The following NRP2 variants were observed in gnomAD, a reference collection of about 807,000 sequenced individuals.
NRP2 encodes the protein neuropilin 2, also known as neuropilin-2.
NRP2 carries 52 observed loss-of-function variants against 110.4 expected under a neutral mutation model. The observed-to-expected ratio is 0.47, with a 90% CI of 0.38 to 0.59. NRP2 has a LOEUF of 0.59. Among genes scored for constraint, NRP2 ranks in the 20% least tolerant of loss-of-function variants. The pLI is 0.00. For missense variants in NRP2, 1,049 were observed against 1,203.0 expected (o/e 0.87, Z 1.89); for synonymous variants, 508 against 468.9 (o/e 1.08, Z -1.08).
At chr2:205,764,069 G>C (rs1295523541) in intron 13 of NRP2, 133 bp downstream of exon 13, 9 of 1,130,366 alleles carry the variant, frequency 8.0e-6, no homozygotes, top group Non-Finnish European at 1.1e-5. Context: ...GCAACTGAAT[G>C]ACACTCTTAT....
intron 2 of NRP2, among the ~76,000 whole-genome samples, chr2:205,707,197 T>C (rs958712866): frequency 1.3e-5 from 2 of 152,308 alleles, no homozygotes; most frequent in South Asian, 4.1e-4. Flanking sequence ...GGAGAGAAGG[T>C]GAATGCTTTA....
chr2:205,755,832 A>C (rs1200325999), intron 12 of NRP2, among the ~76,000 whole-genome samples: 4 of 152,158 alleles, frequency 2.6e-5, no homozygotes, highest in Admixed American at 2.6e-4. Context: ...ATAGGCAAAC[A>C]GAAGTAATGA....
rs1377668034 is a variant in NRP2, at chr2:205,797,847, G to C, written c.*2789G>C. On this transcript the variant is annotated 3_prime_UTR_variant, in exon 17 of 17. Coordinates refer to ENST00000357785, the MANE Select transcript of NRP2 (RefSeq NM_003872.3). ...CAACAGGGCCACAGGGTTGCTTTCTGTCTTTGGTGGGGCAGGGGAGTTGAC... is the reference window on the plus strand; with the variant it reads ...CAACAGGGCCACAGGGTTGCTTTCTCTCTTTGGTGGGGCAGGGGAGTTGAC... 3 of 152,710 alleles carry C rather than the reference G, an allele frequency of 2.0e-5. No individual in the cohort carries two copies. The highest frequency in any genetic ancestry group is 1.3e-4 in the Admixed American group (2 of 15,284). The allele number at this position is 152,710 out of a possible 1,614,324, so 9.5% of individuals were successfully genotyped here.
intron 2 of NRP2, among the ~76,000 whole-genome samples, chr2:205,703,894 C>G (rs540072653): frequency 1.9e-4 from 29 of 152,304 alleles, no homozygotes; most frequent in African/African-American, 7.0e-4. Context: ...GACACAAACC[C>G]TTTTCCCGGT....
intron 1 of NRP2, among the ~76,000 whole-genome samples, chr2:205,695,149 A>G (rs1337107359): frequency 6.6e-6 from 1 of 152,238 alleles, no homozygotes; most frequent in Non-Finnish European, 1.5e-5. Context: ...AGATGTTCTA[A>G]TGAGTTCTCT....
At chr2:205,704,016 C>G (rs545845348) in intron 2 of NRP2, among the ~76,000 whole-genome samples, 130 of 152,246 alleles carry the variant, frequency 8.5e-4, no homozygotes, top group African/African-American at 3.0e-3. Flanking sequence ...ATGATGGGGA[C>G]TCTCTGCTGT....
chr2:205,743,430 C>A lies in NRP2; in HGVS notation c.1519C>A (p.Arg507Ser). 1 of 1,614,200 alleles carries A rather than the reference C, an allele frequency of 6.2e-7. No individual in the cohort carries two copies. The highest frequency in any genetic ancestry group is 8.5e-7 in the Non-Finnish European group (1 of 1,180,044). Residue 507 changes from arginine to serine, a missense_variant, in exon 9 of 17, where the codon CGC becomes AGC. Arg to Ser is a moderately radical substitution (Grantham distance 110, BLOSUM62 -1). Transcript: ENST00000357785. ...TVKGVIIQGA[R>S]GGDSITAVEA... The stretch of plus-strand genomic sequence containing the variant: ...GAAAGGTGTCATCATCCAGGGAGCC[C>A]GCGGAGGAGACAGTATCACTGCTGT...
Position 205,743,505 on chromosome 2 carries a change from G to C in NRP2, c.1594G>C (p.Gly532Arg), listed in dbSNP as rs753140405. Reference protein sequence around the residue: ...RKFKVSYSLNGKDWEYIQDPR... With the variant: ...RKFKVSYSLNRKDWEYIQDPR... ...GTTCAAAGTCTCCTACAGCCTAAAC[G>C]GCAAGGACTGGGAATACATTCAGGA... The change falls in exon 9 of 17, where the codon GGC becomes CGC. Residue 532 changes from glycine to arginine, a missense_variant. Transcript: ENST00000357785. 2 of 1,614,060 alleles carry C rather than the reference G, an allele frequency of 1.2e-6. No homozygotes were observed. Among genetic ancestry groups the C allele is most frequent in the Non-Finnish European group, 1.7e-6 (2 of 1,180,048 alleles).
chr2:205,722,740 C>T (rs1388209429), intron 4 of NRP2, 32 bp downstream of exon 4: 2 of 1,574,926 alleles, frequency 1.3e-6, no homozygotes, highest in South Asian at 2.2e-5. Flanking sequence ...TCCTCAGTAG[C>T]TTGGCCTTTG....
chr2:205,747,293 T>C (rs1188284810), intron 10 of NRP2, among the ~76,000 whole-genome samples: 1 of 152,234 alleles, frequency 6.6e-6, no homozygotes, highest in East Asian at 1.9e-4. Flanking sequence ...GTTCAAGTCC[T>C]GCCCCTGCCA....
At position 205,683,032 on chromosome 2, in the gene NRP2, T is replaced by C. The variant is rs1575525612; in HGVS notation, c.-259T>C. On this transcript the variant is annotated 5_prime_UTR_variant, in exon 1 of 17. Coordinates refer to ENST00000357785, the MANE Select transcript of NRP2 (RefSeq NM_003872.3). ...AACTGGAGAGAACATATATGCGTTT[T>C]GTTTTTAAGAGGAAAACCGTGTTCT... The C allele has an allele frequency of 3.9e-6, 2 of 509,918 alleles. No homozygotes were observed. The highest frequency in any genetic ancestry group is 7.1e-5 in the East Asian group (2 of 28,036). 31.6% of individuals were successfully genotyped at this position (509,918 alleles called of 1,614,324 possible).
intron 9 of NRP2, among the ~76,000 whole-genome samples, chr2:205,744,425 C>T (rs574638544): frequency 1.3e-5 from 2 of 152,288 alleles, no homozygotes; most frequent in East Asian, 1.9e-4. Flanking sequence ...TAGATCTTTC[C>T]GGCCTCTCAG....
chr2:205,730,394 G>A (rs181927464), intron 7 of NRP2, among the ~76,000 whole-genome samples: 10 of 152,296 alleles, frequency 6.6e-5, no homozygotes, highest in African/African-American at 2.4e-4. Context: ...GGGGGCAGTG[G>A]AGGAAGAGGC....
intron 15 of NRP2, 100 bp from the exon 16 acceptor site, chr2:205,792,135 G>T: frequency 1.3e-6 from 1 of 794,324 alleles, no homozygotes; most frequent in East Asian, 2.5e-5. Context: ...CTAGCTGCCT[G>T]CCAGAATGGG....
intron 15 of NRP2, chr2:205,767,082 G>A: frequency 1.9e-6 from 1 of 522,446 alleles, no homozygotes; most frequent in East Asian, 3.4e-5. Context: ...ATTGTCCAAC[G>A]GGGAGCAATG....
intron 7 of NRP2, among the ~76,000 whole-genome samples, chr2:205,729,469 C>T (rs573539165): frequency 6.6e-6 from 1 of 152,222 alleles, no homozygotes; most frequent in African/African-American, 2.4e-5. Context: ...GGGCTGAGAC[C>T]TGGTTCCACC....
intron 1 of NRP2, among the ~76,000 whole-genome samples, chr2:205,688,866 A>C (rs1211447141): frequency 6.6e-6 from 1 of 151,446 alleles, no homozygotes; most frequent in Non-Finnish European, 1.5e-5. Flanking sequence ...CAAAACAAAA[A>C]AAACAAAAAA....
chr2:205,702,926 A>G (rs2056591266), intron 2 of NRP2, among the ~76,000 whole-genome samples: 1 of 151,360 alleles, frequency 6.6e-6, no homozygotes, highest in African/African-American at 2.4e-5. Flanking sequence ...CCCTTTTATC[A>G]CCCTTTCCTC....
intron 15 of NRP2, among the ~76,000 whole-genome samples, chr2:205,774,886 C>T (rs2058074765): frequency 1.3e-5 from 2 of 152,136 alleles, no homozygotes; most frequent in African/African-American, 2.4e-5. Context: ...GCAAGTTCCT[C>T]ATGATGAGAG....
Sources: gnomAD v4.1 joint callset for allele counts (sites outside exome capture counted in the v4.1 genomes callset) on GRCh38, gnomAD v4.1.1 for gene constraint, MANE v1.5 for transcripts, NCBI Gene and HGNC (gene_info 2026-07-23, HGNC 2026-07-21) for gene names.